Variants in XKR4 observed in about 807,000 individuals in gnomAD.
XKR4 encodes XK-related protein 4.
A neutral mutation model predicts 53.9 loss-of-function variants in XKR4; 12 were observed. The ratio of observed to expected loss-of-function variants is 0.22; its 90% CI spans 0.14 to 0.36. The LOEUF is 0.36. XKR4 is among the 10% of genes least tolerant of loss of function. XKR4 has a pLI of 1.00. For synonymous variants in XKR4, 354 were observed against 362.4 expected, an observed-to-expected ratio of 0.98 and a Z score of 0.26; for missense variants, 799 against 859.5, an observed-to-expected ratio of 0.93 and a Z score of 0.88.
chr8:55,110,892 T>C (rs1816222334), intron 1 of XKR4, among the ~76,000 whole-genome samples: 1 of 152,136 alleles, frequency 6.6e-6, no homozygotes, highest in African/African-American at 2.4e-5. Flanking sequence ...TCATAAAACA[T>C]CAATTCTACA....
At chr8:55,521,009 C>T (rs1806788470) in intron 2 of XKR4, 1 of 152,272 alleles carries the variant, frequency 6.6e-6, no homozygotes, top group Admixed American at 6.5e-5. Context: ...TTCTGACCAC[C>T]CCGTTAACAA....
chr8:55,179,318 G>A (rs1172294065), intron 1 of XKR4, among the ~76,000 whole-genome samples: 1 of 152,088 alleles, frequency 6.6e-6, no homozygotes, highest in African/African-American at 2.4e-5. Flanking sequence ...CACTCATCCT[G>A]CATTGAGTGA....
intron 1 of XKR4, among the ~76,000 whole-genome samples, chr8:55,244,910 T>A (rs933510569): frequency 2.7e-5 from 4 of 150,122 alleles, no homozygotes; most frequent in Non-Finnish European, 5.9e-5. Flanking sequence ...TTTTTTTTTT[T>A]TTTTTTTTGA....
chr8:55,425,535 C>A (rs1019032541), intron 2 of XKR4, among the ~76,000 whole-genome samples: 4 of 152,176 alleles, frequency 2.6e-5, no homozygotes, highest in Admixed American at 1.3e-4. Flanking sequence ...AACATCTTCA[C>A]CTTTAACTCT....
rs1446895473 is a variant in XKR4 at position 55,539,575 on chromosome 8, G to A, written c.*15348G>A. On this transcript the variant is annotated 3_prime_UTR_variant, in exon 3 of 3. Coordinates refer to ENST00000327381, the MANE Select transcript of XKR4 (RefSeq NM_052898.2). ...ATGAATTTAACCTAGGCAATTATCT[G>A]ATTCATTTTTTTTAAAGTTTGTGCT... is the stretch of plus-strand genomic sequence containing the variant. 1.3e-5 allele frequency: 2 copies of A among 152,074 alleles called. No individual in the cohort carries two copies. The highest frequency in any genetic ancestry group is 1.9e-4 in the East Asian group (1 of 5,190). 9.4% of individuals were successfully genotyped at this position (152,074 alleles called of 1,614,324 possible). A position where few individuals can be genotyped will look rare whatever the true frequency, so the allele number is the denominator to read the frequency against.
At chr8:55,442,408 G>A (rs1186306323) in intron 2 of XKR4, among the ~76,000 whole-genome samples, 2 of 152,078 alleles carry the variant, frequency 1.3e-5, no homozygotes, top group Admixed American at 1.3e-4. Context: ...CAGTTGTTTT[G>A]GAAAACAGTT....
chr8:55,395,526 C>T (rs1027950909), intron 2 of XKR4, among the ~76,000 whole-genome samples: 6 of 152,056 alleles, frequency 3.9e-5, no homozygotes, highest in African/African-American at 1.2e-4. Context: ...CACAGGCCAT[C>T]TAGAGAGACA....
intron 2 of XKR4, chr8:55,452,576 C>T (rs551447903): frequency 7.1e-6 from 6 of 846,888 alleles, no homozygotes; most frequent in South Asian, 4.2e-5. Context: ...TCCGGTTCTC[C>T]CGCTGCACCG....
chr8:55,384,771 A>G (rs562706780), intron 2 of XKR4, among the ~76,000 whole-genome samples: 6 of 152,370 alleles, frequency 3.9e-5, no homozygotes, highest in African/African-American at 1.2e-4. Flanking sequence ...AGCAAATCCA[A>G]TGTGCCTCTA....
chr8:55,499,972 T>C (rs1806411265), intron 2 of XKR4, among the ~76,000 whole-genome samples: 1 of 152,142 alleles, frequency 6.6e-6, no homozygotes, highest in African/African-American at 2.4e-5. Flanking sequence ...AAGAAAATAA[T>C]AGCCAGTGTC....
In XKR4 at chr8:55,525,426, C is replaced by A. The variant is rs1351204146; in HGVS notation, c.*1199C>A. 1.3e-5 allele frequency: 2 copies of A among 152,708 alleles called. No homozygotes were observed. Among genetic ancestry groups the A allele is most frequent in the Non-Finnish European group, 2.9e-5 (2 of 68,024 alleles). 9.5% of individuals were successfully genotyped at this position (152,708 alleles called of 1,614,324 possible). A position where few individuals can be genotyped will look rare whatever the true frequency, so the allele number is the denominator to read the frequency against. ...TGTGTCTTTTAGAGGCTTTGGGACA[C>A]TTTTTAGTAAGTATGAGCAGACAAA... On this transcript the variant is annotated 3_prime_UTR_variant, in exon 3 of 3. Coordinates refer to ENST00000327381, the MANE Select transcript of XKR4 (RefSeq NM_052898.2).
At chr8:55,503,935 C>CT (rs1403846014) in intron 2 of XKR4, among the ~76,000 whole-genome samples, 5 of 151,802 alleles carry the variant, frequency 3.3e-5, no homozygotes, top group Non-Finnish European at 7.4e-5. Flanking sequence ...TTGTCAAATG[C>CT]TTTTTTTGCA....
At chr8:55,109,965 G>A (rs1816210189) in intron 1 of XKR4, among the ~76,000 whole-genome samples, 1 of 152,162 alleles carries the variant, frequency 6.6e-6, no homozygotes, top group East Asian at 1.9e-4. Flanking sequence ...CACAATCACT[G>A]TCTAACAAAT....
chr8:55,437,205 T>A (rs1293879438), intron 2 of XKR4, among the ~76,000 whole-genome samples: 1 of 152,172 alleles, frequency 6.6e-6, no homozygotes, highest in Non-Finnish European at 1.5e-5. Context: ...TTTATTTTAT[T>A]CTTTTTAATT....
At position 55,341,390 on chromosome 8, in the gene XKR4, T is replaced by C. The variant is rs1359083779; in HGVS notation, c.807-16288T>C. 2.0e-5 allele frequency among the ~76,000 whole-genome samples: 3 copies of C among 152,120 alleles called. No individual in the cohort carries two copies. In the South Asian group the frequency reaches 6.2e-4, roughly 32 times the overall value. ...CAGGGCATTGGCTCTCCAGTCCTTT[T>C]AGGCTGCCCTGCATGAGGTCTACAA... On this transcript the variant is annotated intron_variant, in intron 1 of 2. Coordinates refer to ENST00000327381, the MANE Select transcript of XKR4 (RefSeq NM_052898.2).
Position 55,106,113 on chromosome 8 carries a change from A to T in XKR4, c.806+2819A>T, listed in dbSNP as rs555704434. ...ATGTTTTAACATGCTACTTTCTGGG[A>T]TCAATAAAATAGATTTTAGCTAGGT... On this transcript the variant is annotated intron_variant, in intron 1 of 2. Transcript: ENST00000327381. 3.3e-5 allele frequency among the ~76,000 whole-genome samples: 5 copies of T among 152,282 alleles called. No homozygotes were observed. The East Asian group carries it at 9.6e-4, about 29-fold the overall frequency.
intron 2 of XKR4, among the ~76,000 whole-genome samples, chr8:55,464,794 G>A (rs1293717995): frequency 6.6e-6 from 1 of 152,100 alleles, no homozygotes; most frequent in Non-Finnish European, 1.5e-5. Context: ...AAAGTCTCAG[G>A]ATACAAAATC....
At chr8:55,358,128 C>T (rs1334385299) in intron 2 of XKR4, among the ~76,000 whole-genome samples, 1 of 152,162 alleles carries the variant, frequency 6.6e-6, no homozygotes, top group South Asian at 2.1e-4. Context: ...TATGATTTTA[C>T]ACTTGGTCGA....
At chr8:55,164,310 AGCTATT>A (rs749928489) in intron 1 of XKR4, 5 of 455,330 alleles carry the variant, frequency 1.1e-5, no homozygotes, top group South Asian at 7.8e-5. Flanking sequence ...GGATGCTGTC[AGCTATT>A]GCTATTTGGA....
Sources: allele counts gnomAD v4.1 joint callset (sites outside exome capture counted in the v4.1 genomes callset), GRCh38; gene constraint gnomAD v4.1.1; transcripts MANE v1.5; gene names NCBI Gene and HGNC (gene_info 2026-07-23, HGNC 2026-07-21).